The following CABLES1 variants were observed in gnomAD, a reference collection of about 807,000 sequenced individuals.
The protein encoded by CABLES1 is Cdk5 and Abl enzyme substrate 1, also known as CDK5 and ABL1 enzyme substrate 1.
Under a neutral mutation model 57.8 loss-of-function variants are expected in CABLES1, and 36 were observed. The observed-to-expected ratio is 0.62, with a 90% CI of 0.48 to 0.82. CABLES1 has a LOEUF of 0.82. Among genes scored for constraint, CABLES1 ranks in the 40% least tolerant of loss-of-function variants. The pLI is 0.00. For missense variants in CABLES1, 767 were observed against 836.6 expected, an observed-to-expected ratio of 0.92 and a Z score of 1.03; for synonymous variants, 374 against 363.0, an observed-to-expected ratio of 1.03 and a Z score of -0.35.
At position 23,235,900 on chromosome 18, in the gene CABLES1, T is replaced by G. The variant is rs1318968918; in HGVS notation, c.1191T>G (p.Val397=). The change falls in exon 6 of 10, where the codon GTT becomes GTG. Residue 397 remains valine (V), a synonymous_variant. Coordinates refer to ENST00000256925, the MANE Select transcript of CABLES1 (RefSeq NM_001100619.3). The part of the protein sequence containing the change: ...GVELGADGKT[V]SYTQFLLPTN... ...TTTTTGTCTTCACCTTTTAGACTGT[T>G]TCCTATACCCAATTTCTGTTACCCA... 6.2e-7 allele frequency: 1 copy of G among 1,614,068 alleles called. No homozygotes were observed. Among genetic ancestry groups the G allele is most frequent in the African/African-American group, 1.3e-5 (1 of 74,922 alleles).
At chr18:23,238,778 A>AGGGGGATC in intron 7 of CABLES1, among the ~76,000 whole-genome samples, 1 of 152,346 alleles carries the variant, frequency 6.6e-6, no homozygotes, top group African/African-American at 2.4e-5. Flanking sequence ...TAGTTGATAG[A>AGGGGGATC]CAGGAAATGG....
At chr18:23,230,535 C>A (rs544106889) in intron 4 of CABLES1, among the ~76,000 whole-genome samples, 2 of 152,316 alleles carry the variant, frequency 1.3e-5, no homozygotes, top group Admixed American at 6.5e-5. Context: ...CTCCCTGAAT[C>A]TGAGGGAGGA....
At chr18:23,241,993 G>C (rs569757346) in intron 7 of CABLES1, among the ~76,000 whole-genome samples, 3 of 152,220 alleles carry the variant, frequency 2.0e-5, no homozygotes, top group African/African-American at 4.8e-5. Flanking sequence ...AAAAAATTCC[G>C]GGCCAGGTGC....
At chr18:23,144,402 C>A (rs2046878484) in intron 1 of CABLES1, among the ~76,000 whole-genome samples, 1 of 152,254 alleles carries the variant, frequency 6.6e-6, no homozygotes, top group Admixed American at 6.5e-5. Context: ...TTGCTCCTGA[C>A]TCTTAATTTG....
chr18:23,253,420 T>G (rs1317740809), intron 8 of CABLES1, among the ~76,000 whole-genome samples: 3 of 151,978 alleles, frequency 2.0e-5, no homozygotes, highest in Non-Finnish European at 2.9e-5. Context: ...GAGGTGGAGG[T>G]TGCAGTGAGC....
intron 1 of CABLES1, among the ~76,000 whole-genome samples, chr18:23,175,384 C>T (rs981577077): frequency 1.3e-5 from 2 of 152,210 alleles, no homozygotes; most frequent in Non-Finnish European, 2.9e-5. Flanking sequence ...TTTCTAAGGT[C>T]CTGGCTTTCA....
At chr18:23,202,184 A>T (rs896744045) in intron 3 of CABLES1, among the ~76,000 whole-genome samples, 8 of 152,228 alleles carry the variant, frequency 5.3e-5, no homozygotes, top group African/African-American at 1.9e-4. Context: ...CTTGGAACAC[A>T]GTCACTCTGG....
intron 3 of CABLES1, among the ~76,000 whole-genome samples, chr18:23,199,619 T>A (rs1396631653): frequency 6.6e-6 from 1 of 152,168 alleles, no homozygotes; most frequent in East Asian, 1.9e-4. Context: ...ATGACTCCAT[T>A]TAATTGAAAT....
chr18:23,198,946 G>A (rs530659871), intron 3 of CABLES1, among the ~76,000 whole-genome samples: 1 of 152,310 alleles, frequency 6.6e-6, no homozygotes, highest in African/African-American at 2.4e-5. Flanking sequence ...TCATGATCCC[G>A]AGAGTGGGAA....
chr18:23,207,037 C>T (rs2055166449), intron 3 of CABLES1, among the ~76,000 whole-genome samples: 2 of 152,116 alleles, frequency 1.3e-5, no homozygotes, highest in Non-Finnish European at 2.9e-5. Flanking sequence ...GTCTCAAACT[C>T]TTGAGTTCAT....
At chr18:23,163,921 A>G (rs972307249) in intron 1 of CABLES1, among the ~76,000 whole-genome samples, 2 of 152,196 alleles carry the variant, frequency 1.3e-5, no homozygotes, top group African/African-American at 4.8e-5. Context: ...AATCTGTATA[A>G]TAGCCTATAA....
At chr18:23,164,647 C>T (rs1390349068) in intron 1 of CABLES1, among the ~76,000 whole-genome samples, 1 of 144,370 alleles carries the variant, frequency 6.9e-6, no homozygotes, top group Non-Finnish European at 1.5e-5. Flanking sequence ...TACAGACCAC[C>T]ACACTAAAGC....
At chr18:23,212,958 G>T (rs1043839775) in intron 3 of CABLES1, among the ~76,000 whole-genome samples, 1 of 152,140 alleles carries the variant, frequency 6.6e-6, no homozygotes, top group Non-Finnish European at 1.5e-5. Context: ...AGGTGGGGGT[G>T]CTGTAAGTAC....
chr18:23,207,954 T>A (rs1261633564), intron 3 of CABLES1, among the ~76,000 whole-genome samples: 1 of 152,190 alleles, frequency 6.6e-6, no homozygotes, highest in Non-Finnish European at 1.5e-5. Flanking sequence ...GATTCTCAGA[T>A]GCATCAGACC....
rs111235181 is a variant in CABLES1, at chr18:23,156,311, G to A, written c.845+19704G>A. Among the ~76,000 whole-genome samples the A allele has an allele frequency of 2.0e-3, 312 of 152,284 alleles. 4 individuals carry two copies. The highest frequency in any genetic ancestry group is 7.2e-3 in the African/African-American group (299 of 41,564). On this transcript the variant is annotated intron_variant, in intron 1 of 9. Coordinates refer to ENST00000256925, the MANE Select transcript of CABLES1 (RefSeq NM_001100619.3). ...CTCCATAGACCTTGGATGGAGGGAC[G>A]AGAGCCCTTGTCTCTGTTCTCTGGG...
intron 7 of CABLES1, among the ~76,000 whole-genome samples, chr18:23,248,865 C>T (rs2145123255): frequency 6.6e-6 from 1 of 152,318 alleles, no homozygotes; most frequent in African/African-American, 2.4e-5. Flanking sequence ...AAACACCTTA[C>T]TTACTAGAAT....
chr18:23,242,950 AT>A (rs1381700980), intron 7 of CABLES1, among the ~76,000 whole-genome samples: 1 of 151,990 alleles, frequency 6.6e-6, no homozygotes, highest in Non-Finnish European at 1.5e-5. Flanking sequence ...AGAAAGACTA[AT>A]TCAGCCTTCC....
chr18:23,194,511 C>T lies in CABLES1; in HGVS notation c.981C>T (p.Asn327=), dbSNP rs939756617. 6.2e-7 allele frequency: 1 copy of T among 1,612,778 alleles called. No homozygotes were observed. The highest frequency in any genetic ancestry group is 8.5e-7 in the Non-Finnish European group (1 of 1,178,880). Residue 327 remains asparagine (N), a synonymous_variant, in exon 3 of 10, where the codon AAC becomes AAT. Transcript: ENST00000256925. Reference sequence around the variant, plus strand: ...TTAAGAAGATTCATTTTATCAAGAACATGCGGCAACACGATACCAGGAATG... The same window carrying T: ...TTAAGAAGATTCATTTTATCAAGAATATGCGGCAACACGATACCAGGAATG... The part of the protein sequence containing the change: ...KNFKKIHFIK[N]MRQHDTRNGR...
At chr18:23,158,274 C>T (rs1348013369) in intron 1 of CABLES1, among the ~76,000 whole-genome samples, 1 of 152,060 alleles carries the variant, frequency 6.6e-6, no homozygotes, top group African/African-American at 2.4e-5. Context: ...TGCATTCCAC[C>T]CTGGGCATCA....
Sources: allele counts gnomAD v4.1 joint callset (sites outside exome capture counted in the v4.1 genomes callset), GRCh38; gene constraint gnomAD v4.1.1; transcripts MANE v1.5; gene names NCBI Gene and HGNC (gene_info 2026-07-23, HGNC 2026-07-21).